The following EHD2 variants were observed in gnomAD, a reference collection of about 807,000 sequenced individuals.
The protein encoded by EHD2 is EH domain containing 2.
Under a neutral mutation model 41.0 loss-of-function variants are expected in EHD2, and 27 were observed. The observed-to-expected ratio is 0.66, with a 90% CI of 0.49 to 0.91. The LOEUF (loss-of-function observed/expected upper bound fraction) is 0.91. EHD2 is among the 40% of genes least tolerant of loss of function. EHD2 has a pLI of 0.00. For synonymous variants in EHD2, 342 were observed against 341.0 expected (o/e 1.00, Z -0.03); for missense variants, 673 against 773.9 (o/e 0.87, Z 1.55).
At chr19:47,739,606 A>T (rs1286318552) in intron 5 of EHD2, among the ~76,000 whole-genome samples, 1 of 150,492 alleles carries the variant, frequency 6.6e-6, no homozygotes, top group Non-Finnish European at 1.5e-5. Context: ...TCAAAAAAAA[A>T]AAAAAAAAAA....
chr19:47,716,831 C>T lies in EHD2; in HGVS notation c.219C>T (p.Ser73=), dbSNP rs80153708. 1 of 1,609,462 alleles carries T rather than the reference C, an allele frequency of 6.2e-7. No individual in the cohort carries two copies. The highest frequency in any genetic ancestry group is 1.3e-5 in the African/African-American group (1 of 74,892). ...VAGQYSTGKT[S]FIQYLLEQEV... ...GCCAGTACAGCACGGGCAAGACCAG[C>T]TTCATCCAGTACCTGCTGGAGCAGG... Residue 73 remains serine (S), a synonymous_variant, in exon 2 of 6, where the codon AGC becomes AGT. Transcript: ENST00000263277.
At chr19:47,734,522 C>T (rs1966901690) in intron 4 of EHD2, among the ~76,000 whole-genome samples, 1 of 151,972 alleles carries the variant, frequency 6.6e-6, no homozygotes, top group Admixed American at 6.6e-5. Flanking sequence ...GAGGCTGAGG[C>T]AGGCAGATCA....
chr19:47,722,536 G>A (rs910752643), intron 3 of EHD2, among the ~76,000 whole-genome samples: 1 of 151,854 alleles, frequency 6.6e-6, no homozygotes, highest in Admixed American at 6.6e-5. Context: ...CCTCTTACCT[G>A]TGTGTCTTGA....
intron 5 of EHD2, among the ~76,000 whole-genome samples, chr19:47,738,366 G>A (rs2123659601): frequency 1.3e-5 from 2 of 151,820 alleles, no homozygotes. Flanking sequence ...GCAGTGGCAA[G>A]ATCTTGACTC....
Position 47,743,075 on chromosome 19 carries a change from G to C in EHD2, c.*1643G>C, listed in dbSNP as rs1018896007. ...CCACTGTCCCCCACCCCATGGCTGG[G>C]AGGGGCCTCTGAACGGAACAGTGTC... On this transcript the variant is annotated 3_prime_UTR_variant, in exon 6 of 6. Coordinates refer to ENST00000263277, the MANE Select transcript of EHD2 (RefSeq NM_014601.4). 2 of 152,484 alleles carry C rather than the reference G, an allele frequency of 1.3e-5. No individual in the cohort carries two copies. The highest frequency in any genetic ancestry group is 4.8e-5 in the African/African-American group (2 of 41,468). 9.4% of individuals were successfully genotyped at this position (152,484 alleles called of 1,614,324 possible).
At chr19:47,739,388 G>A (rs1369557364) in intron 5 of EHD2, among the ~76,000 whole-genome samples, 2 of 148,154 alleles carry the variant, frequency 1.3e-5, no homozygotes, top group Non-Finnish European at 3.0e-5. Context: ...ATTGCCTGAG[G>A]TCAGGAGTTC....
chr19:47,735,211 C>T (rs776099985), intron 4 of EHD2, among the ~76,000 whole-genome samples: 6 of 152,154 alleles, frequency 3.9e-5, no homozygotes, highest in Non-Finnish European at 8.8e-5. Context: ...TGGTATGGAG[C>T]TATCCAGGAA....
At chr19:47,717,211 C>T (rs950091796) in intron 2 of EHD2, among the ~76,000 whole-genome samples, 195 bp downstream of exon 2, 2 of 152,066 alleles carry the variant, frequency 1.3e-5, no homozygotes, top group Non-Finnish European at 2.9e-5. Context: ...CCACGCCAAG[C>T]GAGTTTTTGT....
At chr19:47,736,647 C>A in intron 5 of EHD2, 114 bp downstream of exon 5, 2 of 1,217,536 alleles carry the variant, frequency 1.6e-6, no homozygotes, top group Non-Finnish European at 2.2e-6. Context: ...TTCTGGAAAG[C>A]GCCTCCCTCA....
chr19:47,734,777 A>C (rs1966904211), intron 4 of EHD2, among the ~76,000 whole-genome samples: 1 of 146,524 alleles, frequency 6.8e-6, no homozygotes, highest in Non-Finnish European at 1.5e-5. Flanking sequence ...CTAGAGCCGG[A>C]CGGGGTGGCT....
Position 47,719,825 on chromosome 19 carries a change from A to T in EHD2, c.502+1219A>T, listed in dbSNP as rs910943136. ...AGGGAGAGGCTCTCTCAGCCAGGGC[A>T]GGGGTGCCGGCAGGGGGGTTCAAAG... On this transcript the variant is annotated intron_variant, in intron 3 of 5. Transcript: ENST00000263277. The surrounding 1 kb of genome is among the most constrained non-coding windows in gnomAD (Gnocchi z 4.1). Among the ~76,000 whole-genome samples the T allele has an allele frequency of 6.7e-6, 1 of 148,178 alleles. No individual in the cohort carries two copies. The highest frequency in any genetic ancestry group is 1.5e-5 in the Non-Finnish European group (1 of 66,700).
Position 47,735,930 on chromosome 19 carries a change from G to C in EHD2, c.916-439G>C, listed in dbSNP as rs142165901. Among the ~76,000 whole-genome samples, 2,154 of 151,842 alleles carry C rather than the reference G, an allele frequency of 0.014. 102 individuals are homozygous for C. In the East Asian group the frequency reaches 0.15, roughly 10 times the overall value. Reference sequence around the variant, plus strand: ...AAAAAAAAAAAGACTGGGCACGGTGGCTCACACCTGTAATCCCAGCACTTT... The same window carrying C: ...AAAAAAAAAAAGACTGGGCACGGTGCCTCACACCTGTAATCCCAGCACTTT... On this transcript the variant is annotated intron_variant, in intron 4 of 5. Coordinates refer to ENST00000263277, the MANE Select transcript of EHD2 (RefSeq NM_014601.4).
intron 4 of EHD2, chr19:47,731,279 A>AAAAAAAAAAAAAAT: frequency 4.9e-5 from 3 of 60,932 alleles, no homozygotes; most frequent in African/African-American, 9.8e-5. Flanking sequence ...AAAAAAAAAA[A>AAAAAAAAAAAAAAT]ATATATATAT....
In EHD2 at chr19:47,726,112, G is replaced by A; in HGVS notation, c.803G>A (p.Arg268Gln). The change falls in exon 4 of 6, where the codon CGG becomes CAG. Residue 268 changes from arginine to glutamine, a missense_variant. Physicochemically the swap from Arg to Gln is conservative, Grantham distance 43. Transcript: ENST00000263277. ...WSQPLLVPDN[R>Q]RLFELEEQDL... ...CAGCCCCTCCTCGTGCCCGACAACC[G>A]GCGCCTCTTCGAGCTGGAGGAGCAG... 6.3e-7 allele frequency: 1 copy of A among 1,575,422 alleles called. No individual in the cohort carries two copies. The highest frequency in any genetic ancestry group is 8.6e-7 in the Non-Finnish European group (1 of 1,161,612).
chr19:47,718,347 A>G (rs907067562), intron 2 of EHD2, among the ~76,000 whole-genome samples, 162 bp from the exon 3 acceptor site: 1 of 150,618 alleles, frequency 6.6e-6, no homozygotes, highest in Non-Finnish European at 1.5e-5. Context: ...GTGGCTGGTT[A>G]TAACTCTGAG....
chr19:47,721,119 A>C (rs545240496), intron 3 of EHD2, among the ~76,000 whole-genome samples: 2 of 150,318 alleles, frequency 1.3e-5, no homozygotes, highest in African/African-American at 4.9e-5. Flanking sequence ...GGGAGCCTGC[A>C]TCTTGTAGTA....
At chr19:47,734,779 G>A (rs565699371) in intron 4 of EHD2, among the ~76,000 whole-genome samples, 1 of 149,878 alleles carries the variant, frequency 6.7e-6, no homozygotes, top group Non-Finnish European at 1.5e-5. Flanking sequence ...AGAGCCGGAC[G>A]GGGTGGCTCC....
intron 3 of EHD2, 100 bp from the exon 4 acceptor site, chr19:47,725,712 C>T: frequency 7.0e-7 from 1 of 1,435,676 alleles, no homozygotes; most frequent in East Asian, 2.3e-5. Context: ...AACATCTTTA[C>T]AGTCCAATAT....
At position 47,719,944 on chromosome 19, in the gene EHD2, A is replaced by ATGTGTGTGTGTGTG. The variant is rs879925800; in HGVS notation, c.502+1339_502+1340insGTGTGTGTGTGTGT. On this transcript the variant is annotated intron_variant, in intron 3 of 5. Transcript: ENST00000263277. The surrounding 1 kb of genome is among the most constrained non-coding windows in gnomAD (Gnocchi z 4.1). ...AGAGAGTGTCCAGCTGTTGGTGTGT[A>ATGTGTGTGTGTGTG]TATGTGTGTGTGTGTGTGTGTGTGT... Among the ~76,000 whole-genome samples, 8 of 112,064 alleles carry ATGTGTGTGTGTGTG rather than the reference A, an allele frequency of 7.1e-5. No individual in the cohort carries two copies. Among genetic ancestry groups the ATGTGTGTGTGTGTG allele is most frequent in the African/African-American group, 1.0e-4 (2 of 19,362 alleles). The allele number at this position is 112,064 out of a possible 152,430, so 73.5% of individuals were successfully genotyped here.
Sources: gnomAD v4.1 joint callset for allele counts (sites outside exome capture counted in the v4.1 genomes callset) on GRCh38, gnomAD v4.1.1 for gene constraint, Gnocchi (gnomAD v3.1) non-coding constraint, MANE v1.5 for transcripts, NCBI Gene and HGNC (gene_info 2026-07-23, HGNC 2026-07-21) for gene names.